SNTG1: variants seen among roughly 807,000 people sequenced by gnomAD.
SNTG1 encodes the protein syntrophin gamma 1.
A neutral mutation model predicts 74.7 loss-of-function variants in SNTG1; 39 were observed. That is an observed-to-expected ratio of 0.52 (90% CI 0.40 to 0.68). The LOEUF (loss-of-function observed/expected upper bound fraction) is 0.68, where lower values mean the gene tolerates loss of function less well. Ranked by LOEUF, SNTG1 falls within the 30% of genes least tolerant of loss-of-function variation. SNTG1 has a pLI of 0.00. For missense variants in SNTG1, 685 were observed against 609.5 expected (o/e 1.12, Z -1.30); for synonymous variants, 254 against 217.1 (o/e 1.17, Z -1.49).
intron 12 of SNTG1, among the ~76,000 whole-genome samples, chr8:50,574,280 C>T (rs1481474): frequency 0.1 from 15,961 of 152,020 alleles, 2,065 homozygotes; most frequent in African/African-American, 0.29. Flanking sequence ...TATATTCTTT[C>T]ACTTAAAAAT....
chr8:50,457,216 A>C (rs2093514692), intron 8 of SNTG1: 1 of 152,132 alleles, frequency 6.6e-6, no homozygotes, highest in Non-Finnish European at 1.5e-5. Flanking sequence ...TAAAATCTTC[A>C]GTTCTTTCAT....
In SNTG1 at chr8:50,643,265, T is replaced by C. The variant is rs192213279; in HGVS notation, c.850-13644T>C. Among the ~76,000 whole-genome samples, 27 of 152,356 alleles carry C rather than the reference T, an allele frequency of 1.8e-4. No individual in the cohort carries two copies. The East Asian group carries it at 5.0e-3, about 28-fold the overall frequency. On this transcript the variant is annotated intron_variant, in intron 13 of 18. Transcript: ENST00000642720. The stretch of plus-strand genomic sequence containing the variant: ...TATGCTGACACTGGTGTCTCTTTTT[T>C]CTTTCCTGATTGCCACTCTCCAAAA...
At chr8:50,776,412 T>C (rs559917664) in intron 18 of SNTG1, among the ~76,000 whole-genome samples, 164 of 147,292 alleles carry the variant, frequency 1.1e-3, no homozygotes, top group African/African-American at 3.9e-3. Context: ...ATATATAATA[T>C]ATTATAGCTT....
chr8:50,015,140 G>T (rs140709314), intron 1 of SNTG1, among the ~76,000 whole-genome samples: 2 of 151,706 alleles, frequency 1.3e-5, no homozygotes, highest in African/African-American at 4.8e-5. Context: ...AATAATTAAA[G>T]CAAAATATAA....
chr8:50,185,801 A>C (rs1443207682), intron 2 of SNTG1, among the ~76,000 whole-genome samples: 1 of 152,044 alleles, frequency 6.6e-6, no homozygotes, highest in African/African-American at 2.4e-5. Flanking sequence ...AATGGAAGAT[A>C]ATATAACACT....
rs2081000611 is a variant in SNTG1, at chr8:50,121,637, G to C, written c.-102-50924G>C. On this transcript the variant is annotated intron_variant, in intron 1 of 18. Coordinates refer to ENST00000642720, the MANE Select transcript of SNTG1 (RefSeq NM_018967.5). ...GAAACTGAAACTAGTGACAGAGAAG[G>C]AGAATTTGTTGAGGATTTAAACCAA... Among the ~76,000 whole-genome samples, 2 of 142,026 alleles carry C rather than the reference G, an allele frequency of 1.4e-5. 1 individual carries two copies. The highest frequency in any genetic ancestry group is 1.4e-4 in the Admixed American group (2 of 13,800). The allele number at this position is 142,026 out of a possible 152,430, so 93.2% of individuals were successfully genotyped here.
intron 1 of SNTG1, among the ~76,000 whole-genome samples, chr8:49,929,043 C>T (rs186523408): frequency 2.5e-4 from 38 of 151,986 alleles, no homozygotes; most frequent in African/African-American, 8.4e-4. Context: ...AAAGAAAAAG[C>T]TGGCTTTTCA....
At chr8:50,658,563 A>G (rs771944071) in intron 14 of SNTG1, 29 bp from the exon 15 acceptor site, 2 of 1,504,990 alleles carry the variant, frequency 1.3e-6, no homozygotes, top group Non-Finnish European at 1.8e-6. Context: ...TCTAAAACAA[A>G]TTAAACATTA....
intron 13 of SNTG1, among the ~76,000 whole-genome samples, chr8:50,621,309 G>A (rs1460873611): frequency 6.6e-6 from 1 of 152,052 alleles, no homozygotes; most frequent in African/African-American, 2.4e-5. Context: ...CACATGGCTG[G>A]GCTGTCACTA....
intron 9 of SNTG1, among the ~76,000 whole-genome samples, chr8:50,523,367 T>C (rs1164713849): frequency 6.6e-6 from 1 of 152,222 alleles, no homozygotes; most frequent in African/African-American, 2.4e-5. Flanking sequence ...AGGCTAAGCT[T>C]TTGGCTTATC....
intron 1 of SNTG1, among the ~76,000 whole-genome samples, chr8:49,938,294 G>T (rs1454946176): frequency 1.3e-5 from 2 of 152,178 alleles, no homozygotes; most frequent in Non-Finnish European, 2.9e-5. Context: ...GATCAGCTCA[G>T]TGTGTGCCAA....
At chr8:50,384,810 C>A (rs181619792) in intron 2 of SNTG1, among the ~76,000 whole-genome samples, 3 of 152,086 alleles carry the variant, frequency 2.0e-5, no homozygotes, top group Admixed American at 2.0e-4. Context: ...AGTTCTTTCT[C>A]TTGTAAACTA....
At chr8:50,663,552 T>C (rs1053646706) in intron 15 of SNTG1, among the ~76,000 whole-genome samples, 2 of 152,096 alleles carry the variant, frequency 1.3e-5, no homozygotes, top group Non-Finnish European at 2.9e-5. Context: ...CTTGCACCGC[T>C]CTGGTTTGAC....
chr8:50,420,967 G>A (rs2093074774), intron 4 of SNTG1, among the ~76,000 whole-genome samples: 1 of 137,634 alleles, frequency 7.3e-6, no homozygotes, highest in Non-Finnish European at 1.5e-5. Context: ...GGAGGTTATG[G>A]TGACCCAAGA....
intron 1 of SNTG1, among the ~76,000 whole-genome samples, chr8:50,002,270 C>T (rs937914107): frequency 1.3e-5 from 2 of 152,104 alleles, no homozygotes; most frequent in African/African-American, 2.4e-5. Context: ...GTTTAGCCAT[C>T]GGCATAGTCC....
At chr8:49,953,032 G>A (rs1390917424) in intron 1 of SNTG1, among the ~76,000 whole-genome samples, 1 of 152,106 alleles carries the variant, frequency 6.6e-6, no homozygotes, top group African/African-American at 2.4e-5. Context: ...ATGAGTATAG[G>A]GCTCTGAGGA....
chr8:50,091,810 A>C (rs2079748170), intron 1 of SNTG1, among the ~76,000 whole-genome samples: 1 of 152,116 alleles, frequency 6.6e-6, no homozygotes, highest in Non-Finnish European at 1.5e-5. Context: ...CAGATAAAAA[A>C]CTTTTTAAAT....
At chr8:50,011,356 T>C (rs1815776683) in intron 1 of SNTG1, among the ~76,000 whole-genome samples, 1 of 152,180 alleles carries the variant, frequency 6.6e-6, no homozygotes, top group South Asian at 2.1e-4. Context: ...AGACACTTAG[T>C]GCATGATACT....
At chr8:50,591,590 G>A (rs528180184) in intron 13 of SNTG1, among the ~76,000 whole-genome samples, 1 of 152,230 alleles carries the variant, frequency 6.6e-6, no homozygotes, top group South Asian at 2.1e-4. Flanking sequence ...TTAAATAATA[G>A]CACATGTAAA....
Sources: gnomAD v4.1 joint callset for allele counts (sites outside exome capture counted in the v4.1 genomes callset) on GRCh38, gnomAD v4.1.1 for gene constraint, MANE v1.5 for transcripts, NCBI Gene and HGNC (gene_info 2026-07-23, HGNC 2026-07-21) for gene names.